Variants in MYO1E observed in about 807,000 individuals in gnomAD.
The protein encoded by MYO1E is unconventional myosin-Ie.
In MYO1E, 68 loss-of-function variants were observed where a neutral mutation model predicts 151.1. That is an observed-to-expected ratio of 0.45 (90% CI 0.37 to 0.55). MYO1E has a LOEUF of 0.55. Ranked by LOEUF, MYO1E falls within the 20% of genes least tolerant of loss-of-function variation. The pLI, the probability that MYO1E is intolerant of heterozygous loss-of-function variation, is 0.00. For missense variants in MYO1E, 1,363 were observed against 1,389.3 expected, an observed-to-expected ratio of 0.98 and a Z score of 0.30; for synonymous variants, 601 against 501.7, an observed-to-expected ratio of 1.20 and a Z score of -2.64.
intron 1 of MYO1E, among the ~76,000 whole-genome samples, chr15:59,317,808 G>A (rs1373410442): frequency 1.3e-5 from 2 of 152,050 alleles, no homozygotes; most frequent in South Asian, 2.1e-4. Context: ...GAGCGAGGGC[G>A]TGAAACAGTC....
intron 16 of MYO1E, among the ~76,000 whole-genome samples, chr15:59,198,614 G>A (rs866010796): frequency 1.3e-5 from 2 of 151,982 alleles, no homozygotes; most frequent in Non-Finnish European, 2.9e-5. Flanking sequence ...TCAGGAGTTC[G>A]AGACCAGCCT....
intron 1 of MYO1E, among the ~76,000 whole-genome samples, chr15:59,306,338 T>C (rs541409664): frequency 6.6e-6 from 1 of 152,386 alleles, no homozygotes; most frequent in East Asian, 1.9e-4. Context: ...AGAATATTTC[T>C]AGTTTTCACC....
At chr15:59,250,303 C>G (rs1310274679) in intron 4 of MYO1E, among the ~76,000 whole-genome samples, 1 of 152,168 alleles carries the variant, frequency 6.6e-6, no homozygotes, top group Admixed American at 6.5e-5. Flanking sequence ...TTTGCACAAG[C>G]CTTCGAGAGC....
chr15:59,285,670 T>A (rs1179763395), intron 1 of MYO1E, among the ~76,000 whole-genome samples: 2 of 151,964 alleles, frequency 1.3e-5, no homozygotes, highest in Non-Finnish European at 2.9e-5. Context: ...TTAAAAAAAA[T>A]AATAAAATCA....
intron 19 of MYO1E, 115 bp from the exon 20 acceptor site, chr15:59,174,355 G>C: frequency 3.9e-6 from 3 of 770,112 alleles, no homozygotes; most frequent in Non-Finnish European, 6.9e-6. Flanking sequence ...ACGGGAAGCA[G>C]CTTCTCTGAT....
chr15:59,252,918 G>A (rs1232443822), intron 4 of MYO1E, among the ~76,000 whole-genome samples: 1 of 152,078 alleles, frequency 6.6e-6, no homozygotes, highest in South Asian at 2.1e-4. Flanking sequence ...AAAAAGAAAA[G>A]AACCAAGGCC....
chr15:59,235,033 T>C (rs72746838), intron 5 of MYO1E, among the ~76,000 whole-genome samples: 7,930 of 152,248 alleles, frequency 0.052, 307 homozygotes, highest in Non-Finnish European at 0.077. Context: ...CCCTCATCCA[T>C]GGCTCTGGGG....
At chr15:59,217,629 G>T (rs1242944966) in intron 10 of MYO1E, among the ~76,000 whole-genome samples, 1 of 138,964 alleles carries the variant, frequency 7.2e-6, no homozygotes, top group African/African-American at 2.7e-5. Flanking sequence ...AGGCTCAAGT[G>T]ATCTTAACCA....
At chr15:59,339,857 T>TC (rs138866625) in intron 1 of MYO1E, among the ~76,000 whole-genome samples, 2 of 150,952 alleles carry the variant, frequency 1.3e-5, no homozygotes, top group African/African-American at 4.9e-5. Context: ...TTTTTTGTTT[T>TC]TTTTTTTTTT....
At chr15:59,372,361 G>C (rs532832585) in intron 1 of MYO1E, 137 bp downstream of exon 1, 27 of 1,068,952 alleles carry the variant, frequency 2.5e-5, no homozygotes, top group Middle Eastern at 2.9e-4. Context: ...GGAAATCAGA[G>C]CTCGCGACGT....
chr15:59,328,241 C>T (rs572164113), intron 1 of MYO1E, among the ~76,000 whole-genome samples: 16 of 152,300 alleles, frequency 1.1e-4, no homozygotes, highest in African/African-American at 3.6e-4. Context: ...TGGAGTAGTA[C>T]ATTTTCTTGC....
At chr15:59,297,043 A>G (rs79329545) in intron 1 of MYO1E, among the ~76,000 whole-genome samples, 32,486 of 59,152 alleles carry the variant, frequency 0.55, 11,768 homozygotes, top group South Asian at 0.81. Context: ...TTGTAGAGAC[A>G]GAGTTTCACT....
intron 1 of MYO1E, among the ~76,000 whole-genome samples, chr15:59,294,186 C>A (rs1459627260): frequency 6.6e-6 from 1 of 152,150 alleles, no homozygotes; most frequent in African/African-American, 2.4e-5. Flanking sequence ...ATCACCCCTG[C>A]TTATGTTAAC....
intron 2 of MYO1E, among the ~76,000 whole-genome samples, chr15:59,270,733 A>C (rs1239182310): frequency 1.3e-5 from 2 of 151,664 alleles, no homozygotes; most frequent in Admixed American, 1.3e-4. Context: ...CTGCCTCCCA[A>C]ACTTAAGCAA....
intron 25 of MYO1E, 100 bp from the exon 26 acceptor site, chr15:59,153,891 TA>T (rs2140307068): frequency 8.8e-7 from 1 of 1,140,070 alleles, no homozygotes; most frequent in Non-Finnish European, 1.3e-6. Context: ...GCAGCTTACT[TA>T]ACTTCTGAGT....
intron 1 of MYO1E, among the ~76,000 whole-genome samples, chr15:59,363,137 G>C (rs772131400): frequency 6.6e-6 from 1 of 151,948 alleles, no homozygotes; most frequent in Non-Finnish European, 1.5e-5. Context: ...CACCATGCCT[G>C]GCTAATTTTT....
intron 1 of MYO1E, among the ~76,000 whole-genome samples, chr15:59,363,842 C>G (rs1462029739): frequency 1.3e-5 from 2 of 152,182 alleles, no homozygotes; most frequent in Admixed American, 1.3e-4. Flanking sequence ...GTGGCAAGAT[C>G]TTGGTTCACC....
chr15:59,289,574 T>C (rs1401158253), intron 1 of MYO1E, among the ~76,000 whole-genome samples: 1 of 152,250 alleles, frequency 6.6e-6, no homozygotes, highest in Non-Finnish European at 1.5e-5. Context: ...CACAGGTGTC[T>C]GCTTATGGGA....
At chr15:59,318,504 T>C (rs150986112) in intron 1 of MYO1E, among the ~76,000 whole-genome samples, 314 of 152,130 alleles carry the variant, frequency 2.1e-3, no homozygotes, top group Non-Finnish European at 3.7e-3. Flanking sequence ...TGATAACTGA[T>C]CAGACATGAA....
Sources: gnomAD v4.1 joint callset for allele counts (sites outside exome capture counted in the v4.1 genomes callset) on GRCh38, gnomAD v4.1.1 for gene constraint, MANE v1.5 for transcripts, NCBI Gene and HGNC (gene_info 2026-07-23, HGNC 2026-07-21) for gene names.